NKIRAS1: variants seen among roughly 807,000 people sequenced by gnomAD.
The protein encoded by NKIRAS1 is NFKB inhibitor interacting Ras like 1, also known as NF-kappa-B inhibitor-interacting Ras-like protein 1.
A neutral mutation model predicts 19.8 loss-of-function variants in NKIRAS1; 16 were observed. The ratio of observed to expected loss-of-function variants is 0.81; its 90% CI spans 0.55 to 1.23. NKIRAS1 has a LOEUF of 1.23. Ranked by LOEUF, NKIRAS1 falls within the 50% of genes most tolerant of loss-of-function variation. NKIRAS1 has a pLI of 0.00. For synonymous variants in NKIRAS1, 88 were observed against 79.0 expected (o/e 1.11, Z -0.61); for missense variants, 184 against 220.0 (o/e 0.84, Z 1.04).
intron 1 of NKIRAS1, among the ~76,000 whole-genome samples, chr3:23,939,953 G>A (rs1260888126): frequency 2.0e-5 from 3 of 152,144 alleles, no homozygotes; most frequent in African/African-American, 7.2e-5. Flanking sequence ...GTTGCCACAT[G>A]TGGCTATTGA....
chr3:23,912,869 A>G (rs918741032), intron 1 of NKIRAS1, among the ~76,000 whole-genome samples: 5 of 152,060 alleles, frequency 3.3e-5, no homozygotes, highest in African/African-American at 4.8e-5. Flanking sequence ...CTGTAATCCC[A>G]GCACTTTGGG....
rs1038628061 is a variant in NKIRAS1, at chr3:23,892,966, T to TC, written c.*128dup. The stretch of plus-strand genomic sequence containing the variant: ...AACATCTAAAGTGCATTAATTGACT[T>TC]CCTTAGGAATTTTCCTAAGGACCAA... On this transcript the variant is annotated 3_prime_UTR_variant, in exon 5 of 5. Transcript: ENST00000425478. The TC allele has an allele frequency of 1.1e-6, 1 of 911,378 alleles. No homozygotes were observed. Among genetic ancestry groups the TC allele is most frequent in the African/African-American group, 1.7e-5 (1 of 58,800 alleles). 56.5% of individuals were successfully genotyped at this position (911,378 alleles called of 1,614,324 possible).
intron 3 of NKIRAS1, among the ~76,000 whole-genome samples, chr3:23,909,706 C>A (rs1191573691): frequency 6.6e-6 from 1 of 152,156 alleles, no homozygotes; most frequent in African/African-American, 2.4e-5. Context: ...TTACACGTAT[C>A]ATATACCAAT....
intron 1 of NKIRAS1, chr3:23,945,613 C>A: frequency 9.6e-7 from 1 of 1,042,736 alleles, no homozygotes; most frequent in East Asian, 7.4e-5. Context: ...CGGACTGCGG[C>A]GGGTGGGGGA....
intron 1 of NKIRAS1, chr3:23,945,662 G>T (rs561866720): frequency 5.5e-6 from 6 of 1,082,182 alleles, no homozygotes; most frequent in South Asian, 4.5e-5. Flanking sequence ...GGGCACTTTG[G>T]GGGGCGGCGG....
chr3:23,936,774 C>T (rs192022517), intron 1 of NKIRAS1, among the ~76,000 whole-genome samples: 25 of 152,300 alleles, frequency 1.6e-4, no homozygotes, highest in African/African-American at 6.0e-4. Context: ...TCTCGATCTC[C>T]TGACCTTGTG....
intron 1 of NKIRAS1, among the ~76,000 whole-genome samples, chr3:23,925,131 AGAG>A (rs1222898102): frequency 6.6e-6 from 1 of 152,178 alleles, no homozygotes; most frequent in Non-Finnish European, 1.5e-5. Flanking sequence ...GGAAGGAGAG[AGAG>A]AATCAAATAT....
chr3:23,896,062 G>A (rs1156369439), intron 4 of NKIRAS1, among the ~76,000 whole-genome samples: 2 of 139,578 alleles, frequency 1.4e-5, no homozygotes, highest in African/African-American at 5.4e-5. Flanking sequence ...ATGAACCCGA[G>A]AGGCAGAGCT....
At chr3:23,921,151 C>T (rs1471415419), upstream of NKIRAS1, among the ~76,000 whole-genome samples, 1 of 152,170 alleles carries the variant, frequency 6.6e-6, no homozygotes, top group Non-Finnish European at 1.5e-5. Context: ...AATCCTTAAA[C>T]ATGACTAATT....
upstream of NKIRAS1, chr3:23,921,457 C>G (rs551214398): frequency 1.6e-6 from 1 of 614,796 alleles, no homozygotes; most frequent in Non-Finnish European, 2.9e-6. Context: ...AAGCTTTACT[C>G]CAATATTAAG....
intron 1 of NKIRAS1, among the ~76,000 whole-genome samples, chr3:23,942,891 T>G (rs1055190108): frequency 2.0e-5 from 3 of 151,982 alleles, no homozygotes; most frequent in African/African-American, 7.2e-5. Flanking sequence ...GGGACTACAG[T>G]TGCACACCAC....
At chr3:23,929,116 C>T (rs1705263156) in intron 1 of NKIRAS1, among the ~76,000 whole-genome samples, 1 of 151,950 alleles carries the variant, frequency 6.6e-6, no homozygotes, top group Non-Finnish European at 1.5e-5. Context: ...AATCCCAGCA[C>T]TTTGGGAGGC....
Position 23,893,239 on chromosome 3 carries a change from T to C in NKIRAS1, c.435A>G (p.Arg145=). 1 of 1,614,206 alleles carries C rather than the reference T, an allele frequency of 6.2e-7. No homozygotes were observed. The change falls in exon 5 of 5, where the codon AGA becomes AGG. Residue 145 remains arginine, a synonymous_variant. Transcript: ENST00000425478. The part of the protein sequence containing the change: ...AQQWAKSEKV[R]LWEVTVTDRK... ...GATCTGTAACAGTCACCTCCCACAGTCTTACTTTCTCACTTTTTGCCCACT... is the reference window on the plus strand; with the variant it reads ...GATCTGTAACAGTCACCTCCCACAGCCTTACTTTCTCACTTTTTGCCCACT...
intron 1 of NKIRAS1, among the ~76,000 whole-genome samples, chr3:23,935,518 C>T (rs1705377699): frequency 6.6e-6 from 1 of 152,102 alleles, no homozygotes; most frequent in Non-Finnish European, 1.5e-5. Flanking sequence ...AACACTTAGG[C>T]TCAAGTAATC....
intron 1 of NKIRAS1, among the ~76,000 whole-genome samples, chr3:23,939,923 A>G (rs1705461631): frequency 6.6e-6 from 1 of 152,204 alleles, no homozygotes; most frequent in Non-Finnish European, 1.5e-5. Context: ...AAAGCCTCTA[A>G]ATCTGTAATG....
intron 4 of NKIRAS1, 81 bp downstream of exon 4, chr3:23,900,727 A>G: frequency 9.0e-7 from 1 of 1,116,418 alleles, no homozygotes; most frequent in Non-Finnish European, 1.3e-6. Context: ...TAATGATCTG[A>G]AAATAAACTA....
At chr3:23,916,028 C>T (rs1021083905) in intron 1 of NKIRAS1, 1 of 152,166 alleles carries the variant, frequency 6.6e-6, no homozygotes, top group African/African-American at 2.4e-5. Flanking sequence ...GCAACTATGC[C>T]TGGCACATAT....
At chr3:23,913,411 G>A (rs529774880) in intron 1 of NKIRAS1, among the ~76,000 whole-genome samples, 41 of 152,284 alleles carry the variant, frequency 2.7e-4, no homozygotes, top group Non-Finnish European at 5.7e-4. Flanking sequence ...ATTAATCAAA[G>A]CAGGCTGAAA....
At chr3:23,941,274 C>T (rs949193803) in intron 1 of NKIRAS1, among the ~76,000 whole-genome samples, 6 of 152,110 alleles carry the variant, frequency 3.9e-5, no homozygotes, top group Non-Finnish European at 5.9e-5. Context: ...TACTGCAGTG[C>T]GCCACTTGGC....
Sources: gnomAD v4.1 joint callset for allele counts (sites outside exome capture counted in the v4.1 genomes callset) on GRCh38, gnomAD v4.1.1 for gene constraint, MANE v1.5 for transcripts, NCBI Gene and HGNC (gene_info 2026-07-23, HGNC 2026-07-21) for gene names.